SKAP2: variants seen among roughly 807,000 people sequenced by gnomAD.
SKAP2 encodes src kinase-associated phosphoprotein 2.
A neutral mutation model predicts 54.9 loss-of-function variants in SKAP2; 28 were observed. The ratio of observed to expected loss-of-function variants is 0.51; its 90% CI spans 0.38 to 0.70. SKAP2 has a LOEUF of 0.70. Ranked by LOEUF, SKAP2 falls within the 30% of genes least tolerant of loss-of-function variation. SKAP2 has a pLI of 0.00. For synonymous variants in SKAP2, 137 were observed against 134.3 expected (o/e 1.02, Z -0.14); for missense variants, 356 against 424.1 (o/e 0.84, Z 1.41).
intron 3 of SKAP2, among the ~76,000 whole-genome samples, chr7:26,849,593 G>A (rs1210641360): frequency 6.6e-6 from 1 of 151,376 alleles, no homozygotes; most frequent in African/African-American, 2.4e-5. Flanking sequence ...GCTGAGGAAG[G>A]AGAATCGCTT....
At chr7:26,788,266 GA>G (rs1783599998) in intron 4 of SKAP2, among the ~76,000 whole-genome samples, 1 of 152,122 alleles carries the variant, frequency 6.6e-6, no homozygotes, top group Non-Finnish European at 1.5e-5. Context: ...ACAATCAGTA[GA>G]TAATTAGAAG....
chr7:26,778,894 A>C (rs1400885161), intron 4 of SKAP2, among the ~76,000 whole-genome samples: 1 of 151,964 alleles, frequency 6.6e-6, no homozygotes, highest in African/African-American at 2.4e-5. Flanking sequence ...AATGATCTTC[A>C]CTGTCAACAT....
At chr7:26,813,156 C>G (rs1479723877) in intron 4 of SKAP2, among the ~76,000 whole-genome samples, 1 of 152,030 alleles carries the variant, frequency 6.6e-6, no homozygotes, top group Non-Finnish European at 1.5e-5. Context: ...AGCATTAATT[C>G]TAGTTGGAGA....
intron 4 of SKAP2, among the ~76,000 whole-genome samples, chr7:26,843,700 C>T (rs925564922): frequency 3.3e-5 from 5 of 151,616 alleles, no homozygotes; most frequent in Non-Finnish European, 1.5e-5. Flanking sequence ...ATAAATAATA[C>T]AGTAAGCCTT....
chr7:26,677,707 G>A (rs1453551513), intron 11 of SKAP2, among the ~76,000 whole-genome samples: 1 of 152,062 alleles, frequency 6.6e-6, no homozygotes, highest in African/African-American at 2.4e-5. Flanking sequence ...GTGTTTTATT[G>A]CTATTATCTA....
chr7:26,799,360 T>A (rs1783861100), intron 4 of SKAP2, among the ~76,000 whole-genome samples: 1 of 151,100 alleles, frequency 6.6e-6, no homozygotes. Flanking sequence ...AAAATCAAAG[T>A]GATAAAAAAA....
intron 4 of SKAP2, among the ~76,000 whole-genome samples, chr7:26,758,146 A>C (rs1285711839): frequency 6.6e-6 from 1 of 152,188 alleles, no homozygotes; most frequent in Non-Finnish European, 1.5e-5. Flanking sequence ...TCAGGAAAAA[A>C]GTCTGGAAGG....
At chr7:26,721,554 T>A (rs1174733123) in intron 9 of SKAP2, among the ~76,000 whole-genome samples, 3 of 152,114 alleles carry the variant, frequency 2.0e-5, no homozygotes, top group Non-Finnish European at 4.4e-5. Context: ...AAAAATGAAT[T>A]CACACTTAAA....
At chr7:26,713,437 T>C (rs1367085426) in intron 9 of SKAP2, among the ~76,000 whole-genome samples, 2 of 151,704 alleles carry the variant, frequency 1.3e-5, no homozygotes, top group Non-Finnish European at 2.9e-5. Context: ...GTTAATTAAG[T>C]GAATAATAAT....
chr7:26,826,216 A>G (rs937673167), intron 4 of SKAP2, among the ~76,000 whole-genome samples: 22 of 152,144 alleles, frequency 1.4e-4, no homozygotes, highest in African/African-American at 5.3e-4. Flanking sequence ...AGAGATCTCT[A>G]TTTCAATGGG....
intron 9 of SKAP2, among the ~76,000 whole-genome samples, chr7:26,694,673 C>A (rs569690738): frequency 1.2e-3 from 181 of 149,498 alleles, no homozygotes; most frequent in Non-Finnish European, 1.9e-3. Flanking sequence ...AAAAAAAAAA[C>A]AACTGCACCC....
At chr7:26,716,623 T>C (rs551342603) in intron 9 of SKAP2, among the ~76,000 whole-genome samples, 1 of 152,210 alleles carries the variant, frequency 6.6e-6, no homozygotes, top group Non-Finnish European at 1.5e-5. Flanking sequence ...TTTTACCATA[T>C]TTTCTCTTTG....
chr7:26,864,343 G>C lies in SKAP2; in HGVS notation c.67+20C>G. ...TCGCCCCCGCCCCGACAGCATTATC[G>C]CCGCCTTCCCGCTCTTTACCTGCCA... is the stretch of plus-strand genomic sequence containing the variant. On this transcript the variant is annotated intron_variant, in intron 1 of 12. Coordinates refer to ENST00000345317, the MANE Select transcript of SKAP2 (RefSeq NM_003930.5). 6.2e-7 allele frequency: 1 copy of C among 1,613,434 alleles called. No individual in the cohort carries two copies. Among genetic ancestry groups the C allele is most frequent in the African/African-American group, 1.3e-5 (1 of 75,002 alleles).
chr7:26,666,078 C>T (rs756135568), downstream of SKAP2, among the ~76,000 whole-genome samples: 24 of 152,066 alleles, frequency 1.6e-4, no homozygotes, highest in Non-Finnish European at 5.9e-5. Flanking sequence ...TTGATCTCCA[C>T]TCTTCACCAC....
At chr7:26,864,265 G>A in intron 1 of SKAP2, 98 bp downstream of exon 1, 1 of 1,438,330 alleles carries the variant, frequency 7.0e-7, no homozygotes, top group African/African-American at 1.4e-5. Flanking sequence ...GGAAGCGCGG[G>A]GAGGGAGGAT....
At chr7:26,692,332 AG>A (rs1204270794) in intron 9 of SKAP2, among the ~76,000 whole-genome samples, 1 of 152,204 alleles carries the variant, frequency 6.6e-6, no homozygotes, top group Non-Finnish European at 1.5e-5. Flanking sequence ...TTTCAACAGG[AG>A]GAATTTAATG....
intron 4 of SKAP2, among the ~76,000 whole-genome samples, chr7:26,757,813 G>A (rs915094274): frequency 6.6e-6 from 1 of 152,200 alleles, no homozygotes; most frequent in African/African-American, 2.4e-5. Flanking sequence ...CCAGGCTGGA[G>A]TGCAGTGGTG....
chr7:26,689,211 G>A (rs887822809), intron 10 of SKAP2, among the ~76,000 whole-genome samples: 1 of 152,094 alleles, frequency 6.6e-6, no homozygotes, highest in Admixed American at 6.6e-5. Context: ...AAAGAGTGAT[G>A]TATGGACATA....
chr7:26,772,036 T>C (rs566347714), intron 4 of SKAP2, among the ~76,000 whole-genome samples: 1 of 152,318 alleles, frequency 6.6e-6, no homozygotes, highest in Admixed American at 6.5e-5. Flanking sequence ...AATACAGACA[T>C]GTACTATGGG....
Sources: allele counts gnomAD v4.1 joint callset (sites outside exome capture counted in the v4.1 genomes callset), GRCh38; gene constraint gnomAD v4.1.1; transcripts MANE v1.5; gene names NCBI Gene and HGNC (gene_info 2026-07-23, HGNC 2026-07-21).